Variants in RASA1 observed in about 807,000 individuals in gnomAD.
RASA1 encodes the protein RAS p21 protein activator 1, also known as ras GTPase-activating protein 1.
RASA1 carries 25 observed loss-of-function variants against 132.2 expected under a neutral mutation model. That is an observed-to-expected ratio of 0.19 (90% CI 0.14 to 0.26). RASA1 has a LOEUF of 0.26. Among genes scored for constraint, RASA1 ranks in the 10% least tolerant of loss-of-function variants. The pLI is 1.00. For missense variants in RASA1, 964 were observed against 1,299.2 expected (o/e 0.74, Z 3.97); for synonymous variants, 477 against 449.9 (o/e 1.06, Z -0.76).
intron 1 of RASA1, among the ~76,000 whole-genome samples, chr5:87,312,352 G>A (rs1371054254): frequency 6.6e-6 from 1 of 152,132 alleles, no homozygotes; most frequent in East Asian, 1.9e-4. Flanking sequence ...GTAAATTGGT[G>A]CTGCTCTTCT....
intron 1 of RASA1, among the ~76,000 whole-genome samples, chr5:87,312,294 G>A (rs9293486): frequency 0.013 from 1,928 of 152,240 alleles, 21 homozygotes; most frequent in Non-Finnish European, 0.021. Context: ...AAACAGATAA[G>A]GAAATCTGTC....
intron 1 of RASA1, among the ~76,000 whole-genome samples, chr5:87,327,377 A>G (rs1335633130): frequency 6.6e-6 from 1 of 152,210 alleles, no homozygotes; most frequent in African/African-American, 2.4e-5. Context: ...GGAATTTAGT[A>G]CAAGTCATTA....
At chr5:87,305,278 A>G (rs956689661) in intron 1 of RASA1, among the ~76,000 whole-genome samples, 1 of 152,182 alleles carries the variant, frequency 6.6e-6, no homozygotes, top group African/African-American at 2.4e-5. Context: ...CCAAAATAAC[A>G]TGGTACTGGT....
At chr5:87,309,535 A>G (rs1166537487) in intron 1 of RASA1, among the ~76,000 whole-genome samples, 1 of 152,060 alleles carries the variant, frequency 6.6e-6, no homozygotes, top group South Asian at 2.1e-4. Context: ...TTTCTATTGG[A>G]TGTACATAAT....
At chr5:87,280,753 TTTTC>T (rs1398840479) in intron 1 of RASA1, among the ~76,000 whole-genome samples, 4 of 152,006 alleles carry the variant, frequency 2.6e-5, no homozygotes, top group African/African-American at 7.3e-5. Context: ...TGTGTCAGAA[TTTTC>T]TTTCTTTCTT....
At chr5:87,272,893 C>A (rs1319725803) in intron 1 of RASA1, among the ~76,000 whole-genome samples, 2 of 152,078 alleles carry the variant, frequency 1.3e-5, no homozygotes, top group South Asian at 2.1e-4. Context: ...GAAGGAAAAG[C>A]CTTAAAGACA....
At chr5:87,335,451 G>A (rs1046245732) in intron 4 of RASA1, among the ~76,000 whole-genome samples, 2 of 91,060 alleles carry the variant, frequency 2.2e-5, no homozygotes, top group Non-Finnish European at 4.0e-5. Flanking sequence ...TTTTGTGACA[G>A]TTTCGCTCTT....
At chr5:87,374,465 T>A (rs1486961169) in intron 14 of RASA1, 145 bp downstream of exon 14, 113 of 318,338 alleles carry the variant, frequency 3.5e-4, no homozygotes, top group African/African-American at 2.3e-3. Flanking sequence ...ATATATTTTT[T>A]TTTTTTTTTT....
intron 1 of RASA1, among the ~76,000 whole-genome samples, chr5:87,276,772 T>A (rs1390712466): frequency 2.6e-5 from 4 of 152,216 alleles, no homozygotes. Flanking sequence ...TGATTAACTT[T>A]TGTAACATTT....
intron 1 of RASA1, among the ~76,000 whole-genome samples, chr5:87,328,251 C>CA (rs1561284501): frequency 6.6e-6 from 1 of 152,076 alleles, no homozygotes; most frequent in Non-Finnish European, 1.5e-5. Context: ...ATGTTACACT[C>CA]AGAGTATTCT....
At chr5:87,285,633 T>TTTG in intron 1 of RASA1, among the ~76,000 whole-genome samples, 2 of 150,762 alleles carry the variant, frequency 1.3e-5, no homozygotes, top group South Asian at 4.2e-4. Flanking sequence ...TTTTTTTTTT[T>TTTG]TTGAGACAAA....
At chr5:87,307,767 C>T (rs962135010) in intron 1 of RASA1, among the ~76,000 whole-genome samples, 3 of 151,570 alleles carry the variant, frequency 2.0e-5, no homozygotes, top group African/African-American at 4.8e-5. Flanking sequence ...TTGTTTTTTT[C>T]CTGAAGTTTT....
At chr5:87,370,082 AAC>A (rs1207191338) in intron 12 of RASA1, among the ~76,000 whole-genome samples, 182 bp downstream of exon 12, 3 of 152,202 alleles carry the variant, frequency 2.0e-5, no homozygotes, top group African/African-American at 4.8e-5. Context: ...TGCAAAAACA[AAC>A]ACAGTGAAGG....
intron 7 of RASA1, among the ~76,000 whole-genome samples, chr5:87,348,295 T>C (rs951406347): frequency 2.0e-5 from 3 of 152,004 alleles, no homozygotes; most frequent in African/African-American, 7.2e-5. Flanking sequence ...ATTAGTAATT[T>C]ACCCCTCAAA....
intron 8 of RASA1, among the ~76,000 whole-genome samples, chr5:87,351,709 G>C (rs115797268): frequency 6.6e-6 from 1 of 151,586 alleles, no homozygotes; most frequent in Non-Finnish European, 1.5e-5. Flanking sequence ...GTGTTTCTGC[G>C]TAGAGTATAA....
At chr5:87,385,456 T>C (rs1762001142) in intron 22 of RASA1, 67 bp downstream of exon 22, 12 of 1,229,452 alleles carry the variant, frequency 9.8e-6, no homozygotes, top group African/African-American at 1.5e-5. Flanking sequence ...AAACCATAAA[T>C]TGTGGCTTAA....
At chr5:87,342,919 T>C (rs1758586087) in intron 6 of RASA1, among the ~76,000 whole-genome samples, 1 of 152,200 alleles carries the variant, frequency 6.6e-6, no homozygotes, top group Admixed American at 6.5e-5. Flanking sequence ...TACATCAGTT[T>C]TCTCATAGTA....
At chr5:87,383,583 T>G in intron 20 of RASA1, 130 bp from the exon 21 acceptor site, 1 of 628,138 alleles carries the variant, frequency 1.6e-6, no homozygotes, top group South Asian at 2.6e-5. Context: ...TGGGCTTTCT[T>G]TTATTGGTTT....
intron 1 of RASA1, among the ~76,000 whole-genome samples, chr5:87,310,567 G>A (rs1448844013): frequency 1.3e-5 from 2 of 152,096 alleles, no homozygotes; most frequent in Admixed American, 6.6e-5. Context: ...TACAATATTC[G>A]TGATGGTCTT....
Sources: gnomAD v4.1 joint callset for allele counts (sites outside exome capture counted in the v4.1 genomes callset) on GRCh38, gnomAD v4.1.1 for gene constraint, MANE v1.5 for transcripts, NCBI Gene and HGNC (gene_info 2026-07-23, HGNC 2026-07-21) for gene names.